The following PTPRF variants were observed in gnomAD, a reference collection of about 807,000 sequenced individuals.
PTPRF encodes receptor-type tyrosine-protein phosphatase F.
Under a neutral mutation model 201.8 loss-of-function variants are expected in PTPRF, and 59 were observed. The observed-to-expected ratio is 0.29, with a 90% confidence interval of 0.24 to 0.36. The LOEUF (loss-of-function observed/expected upper bound fraction) is 0.36. Ranked by LOEUF, PTPRF falls within the 10% of genes least tolerant of loss-of-function variation. PTPRF has a pLI of 1.00. For synonymous variants in PTPRF, 1,088 were observed against 1,089.7 expected (o/e 1.00, Z 0.03); for missense variants, 2,132 against 2,690.5 (o/e 0.79, Z 4.59).
At position 43,530,942 on chromosome 1, in the gene PTPRF, G is replaced by GGGCTCCGGCTCC. The variant is rs780812023; in HGVS notation, c.-255_-244dup. The GGGCTCCGGCTCC allele has an allele frequency of 0.011, 1,721 of 156,214 alleles. 32 individuals carry two copies. Among genetic ancestry groups the GGGCTCCGGCTCC allele is most frequent in the African/African-American group, 0.039 (1,602 of 41,130 alleles). 9.7% of individuals were successfully genotyped at this position (156,214 alleles called of 1,614,324 possible). A position where few individuals can be genotyped will look rare whatever the true frequency, so the allele number is the denominator to read the frequency against. On this transcript the variant is annotated 5_prime_UTR_variant, in exon 1 of 34. Transcript: ENST00000359947. The surrounding 1 kb of genome is among the most constrained non-coding windows in gnomAD (Gnocchi z 4.1). ...CCAGCTTCGGCTCCGGCTCGGGCTC[G>GGGCTCCGGCTCC]GGCTCCGGCTCCGGCTCCGGCTCCG...
rs762861777 is a variant in PTPRF, at chr1:43,603,541, A to AG, written c.2458+12dup. Reference sequence around the variant, plus strand: ...TCACTACAACAGGTGCAGGTGAGTGAGGGGTCAGGACGGACCTGAGGGTGG... The same window carrying AG: ...TCACTACAACAGGTGCAGGTGAGTGAGGGGGTCAGGACGGACCTGAGGGTGG... On this transcript the variant is annotated intron_variant, in intron 15 of 33. Coordinates refer to ENST00000359947, the MANE Select transcript of PTPRF (RefSeq NM_002840.5). This position sits in a 1 kb window ranked among gnomAD's most constrained non-coding sequence, Gnocchi z 5.8. 2 of 1,613,482 alleles carry AG rather than the reference A, an allele frequency of 1.2e-6. No homozygotes were observed. Among genetic ancestry groups the AG allele is most frequent in the Admixed American group, 3.3e-5 (2 of 60,022 alleles).
chr1:43,541,166 G>T (rs560136496), intron 2 of PTPRF, among the ~76,000 whole-genome samples: 9 of 152,336 alleles, frequency 5.9e-5, no homozygotes, highest in African/African-American at 2.2e-4. Flanking sequence ...TGGGCCCCAG[G>T]GTCCTGGCCT....
chr1:43,538,244 G>A lies in PTPRF; in HGVS notation c.-79G>A. The A allele has an allele frequency of 7.5e-6, 3 of 398,708 alleles. No homozygotes were observed. The highest frequency in any genetic ancestry group is 4.4e-6 in the Non-Finnish European group (1 of 226,136). The allele number at this position is 398,708 out of a possible 1,614,324, so 24.7% of individuals were successfully genotyped here. A position where few individuals can be genotyped will look rare whatever the true frequency, so the allele number is the denominator to read the frequency against. ...CCCGGCCCTTGGTGCTGAGTATCCA[G>A]CAAGAGTGACCGGGGTGAAGAAGCA... is the stretch of plus-strand genomic sequence containing the variant. On this transcript the variant is annotated 5_prime_UTR_variant, in exon 2 of 34. Transcript: ENST00000359947.
intron 23 of PTPRF, among the ~76,000 whole-genome samples, chr1:43,616,043 C>T (rs1657779826): frequency 6.6e-6 from 1 of 151,860 alleles, no homozygotes; most frequent in Non-Finnish European, 1.5e-5. Context: ...TTGAATAGTA[C>T]CGACAGGCGT....
intron 2 of PTPRF, among the ~76,000 whole-genome samples, chr1:43,541,739 C>T (rs559946217): frequency 1.3e-5 from 2 of 152,168 alleles, no homozygotes; most frequent in Non-Finnish European, 2.9e-5. Context: ...TTTACACTGA[C>T]GTAGCAAAGG....
At chr1:43,565,929 G>T (rs1646144717) in intron 5 of PTPRF, among the ~76,000 whole-genome samples, 1 of 152,228 alleles carries the variant, frequency 6.6e-6, no homozygotes, top group South Asian at 2.1e-4. Context: ...GGCCTGGAGC[G>T]GGGAGGGGCC....
chr1:43,594,829 C>G (rs551026129), intron 11 of PTPRF, among the ~76,000 whole-genome samples: 4 of 152,146 alleles, frequency 2.6e-5, no homozygotes, highest in African/African-American at 9.7e-5. Context: ...ATCTACATGG[C>G]AGTGCTCGGC....
rs369625344 is a variant in PTPRF, at chr1:43,554,987, G to A, written c.379+1046G>A. Among the ~76,000 whole-genome samples the A allele has an allele frequency of 5.9e-5, 9 of 151,862 alleles. No homozygotes were observed. Among genetic ancestry groups the A allele is most frequent in the Admixed American group, 2.0e-4 (3 of 15,246 alleles). ...TCCTGCCCGGCCTCCCAAGTAGCTG[G>A]GATTACAGGCATGCGCCACCATGCC... On this transcript the variant is annotated intron_variant, in intron 5 of 33. Transcript: ENST00000359947. This position sits in a 1 kb window ranked among gnomAD's most constrained non-coding sequence, Gnocchi z 4.1.
At chr1:43,559,754 T>TGTGTTTGTA (rs1390249129) in intron 5 of PTPRF, among the ~76,000 whole-genome samples, 1 of 148,926 alleles carries the variant, frequency 6.7e-6, no homozygotes, top group East Asian at 2.0e-4. Context: ...TGTGTGTGTG[T>TGTGTTTGTA]GTGTTTGTAC....
chr1:43,572,621 A>G (rs1002234823), intron 6 of PTPRF, among the ~76,000 whole-genome samples: 1 of 152,226 alleles, frequency 6.6e-6, no homozygotes, highest in African/African-American at 2.4e-5. Context: ...TTTCAGGGAC[A>G]GCCCTTCATG....
chr1:43,591,627 C>T (rs1650776313), intron 9 of PTPRF, 74 bp downstream of exon 9: 1 of 1,465,624 alleles, frequency 6.8e-7, no homozygotes, highest in Non-Finnish European at 9.1e-7. Flanking sequence ...TGCCTTTCCC[C>T]CTCCCTCGGC....
intron 5 of PTPRF, among the ~76,000 whole-genome samples, 168 bp from the exon 6 acceptor site, chr1:43,569,422 A>C (rs2842186): frequency 1.3e-5 from 2 of 152,102 alleles, no homozygotes. Flanking sequence ...AAAGAGACTT[A>C]GGACCCTGGT....
intron 21 of PTPRF, among the ~76,000 whole-genome samples, chr1:43,608,855 C>T (rs1420715931): frequency 6.6e-6 from 1 of 152,164 alleles, no homozygotes; most frequent in Non-Finnish European, 1.5e-5. Context: ...TGACCCTGTC[C>T]TTGTAGATGG....
chr1:43,608,459 A>G (rs572065182), intron 21 of PTPRF, among the ~76,000 whole-genome samples: 54 of 152,294 alleles, frequency 3.5e-4, no homozygotes, highest in Admixed American at 1.4e-3. Flanking sequence ...CAAACTGTCC[A>G]GTCAGCTCAG....
chr1:43,532,150 T>C (rs1643622299), intron 1 of PTPRF, among the ~76,000 whole-genome samples: 1 of 152,050 alleles, frequency 6.6e-6, no homozygotes, highest in Non-Finnish European at 1.5e-5. Context: ...CTCTCACCCA[T>C]CTCTTGGTGT....
intron 11 of PTPRF, among the ~76,000 whole-genome samples, chr1:43,597,201 G>A (rs1652512638): frequency 6.6e-6 from 1 of 152,142 alleles, no homozygotes; most frequent in Admixed American, 6.5e-5. Flanking sequence ...GTATATGTGT[G>A]AGACCGTATG....
intron 3 of PTPRF, among the ~76,000 whole-genome samples, chr1:43,548,079 G>A (rs1644794727): frequency 6.6e-6 from 1 of 151,650 alleles, no homozygotes; most frequent in Non-Finnish European, 1.5e-5. Flanking sequence ...GAGGCTTCCT[G>A]GAAGAGGGGA....
At chr1:43,598,194 G>A (rs1652855374) in intron 12 of PTPRF, 141 bp downstream of exon 12, 2 of 905,014 alleles carry the variant, frequency 2.2e-6, no homozygotes, top group Admixed American at 6.9e-5. Flanking sequence ...AAAGTGGGGG[G>A]ATGTCACTTA....
upstream of PTPRF, among the ~76,000 whole-genome samples, chr1:43,529,903 G>A (rs995140213): frequency 2.6e-5 from 4 of 152,156 alleles, no homozygotes; most frequent in Admixed American, 2.6e-4. Flanking sequence ...GCATTATCAT[G>A]TCTTTAATTC....
Sources: gnomAD v4.1 joint callset for allele counts (sites outside exome capture counted in the v4.1 genomes callset) on GRCh38, gnomAD v4.1.1 for gene constraint, Gnocchi (gnomAD v3.1) non-coding constraint, MANE v1.5 for transcripts, NCBI Gene and HGNC (gene_info 2026-07-23, HGNC 2026-07-21) for gene names.